Variants in CCSER1 observed in about 807,000 individuals in gnomAD.
CCSER1 encodes the protein coiled-coil serine rich protein 1.
In CCSER1, 41 loss-of-function variants were observed where a neutral mutation model predicts 82.0. The ratio of observed to expected loss-of-function variants is 0.50; its 90% CI spans 0.39 to 0.65. The LOEUF is 0.65. Ranked by LOEUF, CCSER1 falls within the 30% of genes least tolerant of loss-of-function variation. CCSER1 has a pLI of 0.00. For synonymous variants in CCSER1, 414 were observed against 383.9 expected (o/e 1.08, Z -0.92); for missense variants, 1,119 against 1,064.2 (o/e 1.05, Z -0.72).
chr4:90,133,520 T>C (rs1480206698), intron 1 of CCSER1, among the ~76,000 whole-genome samples: 2 of 152,206 alleles, frequency 1.3e-5, no homozygotes, highest in African/African-American at 4.8e-5. Flanking sequence ...ACAATAATAA[T>C]ATCACACATG....
Position 90,273,880 on chromosome 4 carries a change from G to A in CCSER1, c.-41-34364G>A, listed in dbSNP as rs543259563. On this transcript the variant is annotated intron_variant, in intron 1 of 10. Transcript: ENST00000509176. ...TTCTTCCATTCTTTCAAGTGGTTACGTCTTGTCAACTATGTTGTGATAAGA... is the reference window on the plus strand; with the variant it reads ...TTCTTCCATTCTTTCAAGTGGTTACATCTTGTCAACTATGTTGTGATAAGA... 5.8e-4 allele frequency among the ~76,000 whole-genome samples: 88 copies of A among 152,218 alleles called. No homozygotes were observed. The Middle Eastern group carries it at 0.01, about 18-fold the overall frequency.
chr4:91,299,742 A>C (rs1744512092), intron 10 of CCSER1, among the ~76,000 whole-genome samples: 1 of 151,898 alleles, frequency 6.6e-6, no homozygotes, highest in South Asian at 2.1e-4. Flanking sequence ...TGTAAAAGTC[A>C]CAATAAAAAA....
intron 8 of CCSER1, among the ~76,000 whole-genome samples, chr4:90,828,824 A>G (rs972441572): frequency 2.6e-5 from 4 of 152,142 alleles, no homozygotes; most frequent in African/African-American, 9.7e-5. Flanking sequence ...TTTATATCGT[A>G]TTTTTTGCTC....
chr4:90,283,324 T>A (rs1435411274), intron 1 of CCSER1, among the ~76,000 whole-genome samples: 1 of 151,908 alleles, frequency 6.6e-6, no homozygotes, highest in Non-Finnish European at 1.5e-5. Flanking sequence ...TATATTTTAT[T>A]TTTTATTTGT....
chr4:90,742,130 A>G (rs958611929), intron 7 of CCSER1, among the ~76,000 whole-genome samples: 3 of 152,078 alleles, frequency 2.0e-5, no homozygotes, highest in Non-Finnish European at 4.4e-5. Context: ...AGTGCTACAC[A>G]CTTCCGAGCA....
intron 7 of CCSER1, among the ~76,000 whole-genome samples, chr4:90,740,497 C>A (rs373347315): frequency 6.6e-6 from 1 of 151,984 alleles, no homozygotes. Flanking sequence ...CATAGTAGAC[C>A]TCTGGGAAAA....
Position 91,435,440 on chromosome 4 carries a change from CA to C in CCSER1, c.2218-163119del, listed in dbSNP as rs5860233. On this transcript the variant is annotated intron_variant, in intron 10 of 10. Transcript: ENST00000509176. ...TGAGTGACAGAGTGAGACCCTGTCTCAAAAAAAAAAAAATGTATCTAAACAT... is the reference window on the plus strand; with the variant it reads ...TGAGTGACAGAGTGAGACCCTGTCTCAAAAAAAAAAAATGTATCTAAACAT... Among the ~76,000 whole-genome samples, 349 of 144,904 alleles carry C rather than the reference CA, an allele frequency of 2.4e-3. 4 individuals are homozygous for C. The East Asian group carries it at 0.025, about 10-fold the overall frequency.
rs934449839 is a variant in CCSER1, at chr4:91,264,086, CT to C, written c.2217+178096del. 1.4e-3 allele frequency among the ~76,000 whole-genome samples: 218 copies of C among 151,920 alleles called. 2 individuals carry two copies. The highest frequency in any genetic ancestry group is 4.8e-3 in the African/African-American group (199 of 41,494). ...GAACCATAAATATGTGTTCTGCTGA[CT>C]TTTAACAAACCAGGATGAAACATTT... On this transcript the variant is annotated intron_variant, in intron 10 of 10. Transcript: ENST00000509176.
At chr4:91,160,413 C>T (rs920276305) in intron 10 of CCSER1, among the ~76,000 whole-genome samples, 1 of 152,080 alleles carries the variant, frequency 6.6e-6, no homozygotes. Flanking sequence ...ATATACCAGG[C>T]AATGACATGG....
chr4:90,616,730 CACACACACAAATAAAATA>C (rs755884633), intron 5 of CCSER1, among the ~76,000 whole-genome samples: 127 of 88,362 alleles, frequency 1.4e-3, no homozygotes, highest in Middle Eastern at 6.3e-3. Context: ...CACACACACA[CACACACACAAATAAAATA>C]AAATAAAAGG....
intron 5 of CCSER1, among the ~76,000 whole-genome samples, chr4:90,489,262 G>T (rs1289383218): frequency 1.3e-5 from 2 of 152,098 alleles, no homozygotes; most frequent in Non-Finnish European, 2.9e-5. Context: ...TAGAGAAATG[G>T]TATATGACCT....
At chr4:90,715,124 T>A (rs1741387807) in intron 6 of CCSER1, among the ~76,000 whole-genome samples, 1 of 152,018 alleles carries the variant, frequency 6.6e-6, no homozygotes, top group Non-Finnish European at 1.5e-5. Context: ...TCTGAGTGAT[T>A]CTGTTCACCA....
rs75571637 is a variant in CCSER1, at chr4:91,541,157, G to A, written c.2218-57415G>A. ...CAAAGTGAGTTCTTGAAAGTTTTGA[G>A]CCTTCCTATTCTATGAAACATAGAA... On this transcript the variant is annotated intron_variant, in intron 10 of 10. Transcript: ENST00000509176. 2.0e-5 allele frequency among the ~76,000 whole-genome samples: 3 copies of A among 152,234 alleles called. No individual in the cohort carries two copies. In the East Asian group the frequency reaches 5.8e-4, roughly 29 times the overall value.
chr4:90,623,376 G>T (rs960609287), intron 5 of CCSER1, among the ~76,000 whole-genome samples: 2 of 151,934 alleles, frequency 1.3e-5, no homozygotes, highest in South Asian at 4.2e-4. Context: ...AACATCATAT[G>T]CAAAGGCCCT....
At chr4:91,089,598 C>T (rs1199280254) in intron 10 of CCSER1, among the ~76,000 whole-genome samples, 1 of 152,148 alleles carries the variant, frequency 6.6e-6, no homozygotes, top group Non-Finnish European at 1.5e-5. Flanking sequence ...ATATAATATA[C>T]TTGTGCTGAA....
intron 4 of CCSER1, among the ~76,000 whole-genome samples, chr4:90,466,781 T>C (rs1170086870): frequency 6.6e-6 from 1 of 152,210 alleles, no homozygotes; most frequent in African/African-American, 2.4e-5. Flanking sequence ...TACAGACAGT[T>C]CTGAGTTGTA....
chr4:90,816,295 CTTG>C (rs1301319004), intron 8 of CCSER1, among the ~76,000 whole-genome samples: 4 of 152,054 alleles, frequency 2.6e-5, no homozygotes, highest in Non-Finnish European at 5.9e-5. Flanking sequence ...AATGAGACTT[CTTG>C]TTAATTTATT....
At chr4:90,919,546 T>C (rs915910532) in intron 8 of CCSER1, among the ~76,000 whole-genome samples, 1 of 151,904 alleles carries the variant, frequency 6.6e-6, no homozygotes, top group Non-Finnish European at 1.5e-5. Flanking sequence ...TAGTAATAAT[T>C]AAAGTGGTAA....
chr4:90,505,937 GT>G (rs1770617035), intron 5 of CCSER1, among the ~76,000 whole-genome samples: 1 of 152,036 alleles, frequency 6.6e-6, no homozygotes, highest in South Asian at 2.1e-4. Flanking sequence ...AACCGTTTGG[GT>G]AAAATTTCTC....
Sources: gnomAD v4.1 joint callset for allele counts (sites outside exome capture counted in the v4.1 genomes callset) on GRCh38, gnomAD v4.1.1 for gene constraint, MANE v1.5 for transcripts, NCBI Gene and HGNC (gene_info 2026-07-23, HGNC 2026-07-21) for gene names.